The following ABCC5 variants were observed in gnomAD, a reference collection of about 807,000 sequenced individuals.
The protein encoded by ABCC5 is ATP binding cassette subfamily C member 5.
In ABCC5, 61 loss-of-function variants were observed where a neutral mutation model predicts 160.9. The ratio of observed to expected loss-of-function variants is 0.38; its 90% CI spans 0.31 to 0.47. The LOEUF is 0.47. Ranked by LOEUF, ABCC5 falls within the 20% of genes least tolerant of loss-of-function variation. The pLI, the probability that ABCC5 is intolerant of heterozygous loss-of-function variation, is 0.99. For synonymous variants in ABCC5, 666 were observed against 700.6 expected (o/e 0.95, Z 0.78); for missense variants, 1,308 against 1,813.3 (o/e 0.72, Z 5.06).
At chr3:183,984,075 T>C in intron 5 of ABCC5, 2 of 985,332 alleles carry the variant, frequency 2.0e-6, no homozygotes, top group Non-Finnish European at 2.4e-6. Flanking sequence ...AAAAAAGACC[T>C]TGCTGCTAAG....
At chr3:183,940,713 C>T (rs980548074) in intron 25 of ABCC5, among the ~76,000 whole-genome samples, 1 of 152,100 alleles carries the variant, frequency 6.6e-6, no homozygotes, top group African/African-American at 2.4e-5. Context: ...ACTACCTTTG[C>T]ACTGATGGAA....
chr3:183,925,422 G>C, intron 29 of ABCC5, 133 bp downstream of exon 29: 1 of 837,614 alleles, frequency 1.2e-6, no homozygotes, highest in East Asian at 2.7e-5. Flanking sequence ...CCTCCCAATA[G>C]CAAGTAAATA....
intron 29 of ABCC5, among the ~76,000 whole-genome samples, chr3:183,922,842 G>GTGTCCTTCCTTTGGACACA (rs1224698173): frequency 6.6e-6 from 1 of 152,214 alleles, no homozygotes; most frequent in East Asian, 1.9e-4. Context: ...CTTTGGACAC[G>GTGTCCTTCCTTTGGACACA]TGTCCTTCCT....
chr3:183,923,097 G>A (rs1006348134), intron 29 of ABCC5, among the ~76,000 whole-genome samples: 2 of 151,914 alleles, frequency 1.3e-5, no homozygotes, highest in South Asian at 2.1e-4. Flanking sequence ...GTATTACAAT[G>A]CTCGTCTCTG....
chr3:184,016,826 T>C (rs558288156), intron 1 of ABCC5, among the ~76,000 whole-genome samples: 1 of 152,252 alleles, frequency 6.6e-6, no homozygotes, highest in South Asian at 2.1e-4. Flanking sequence ...GATAAAAGTG[T>C]AGACACTCTC....
chr3:183,956,922 G>A (rs554314844), intron 17 of ABCC5, among the ~76,000 whole-genome samples: 18 of 141,330 alleles, frequency 1.3e-4, no homozygotes, highest in African/African-American at 4.8e-4. Context: ...GCAGATCCGT[G>A]TGTAAATCAC....
rs909356060 is a variant in ABCC5 at position 183,959,702 on chromosome 3, C to A, written c.2482+31G>T. 2.0e-6 allele frequency: 3 copies of A among 1,501,100 alleles called. No individual in the cohort carries two copies. In the Admixed American group the frequency reaches 5.6e-5, roughly 28 times the overall value. The allele number at this position is 1,501,100 out of a possible 1,614,324, so 93.0% of individuals were successfully genotyped here. A position where few individuals can be genotyped will look rare whatever the true frequency, so the allele number is the denominator to read the frequency against. On this transcript the variant is annotated intron_variant, in intron 17 of 29. Transcript: ENST00000334444. ...AGTTATTTCTGATAAACTTTGATGACAAATCTAAAAATTTCAAAAAAGGCC... is the reference window on the plus strand; with the variant it reads ...AGTTATTTCTGATAAACTTTGATGAAAAATCTAAAAATTTCAAAAAAGGCC...
At chr3:183,984,834 C>T (rs753537288) in intron 5 of ABCC5, 13 of 1,585,992 alleles carry the variant, frequency 8.2e-6, no homozygotes, top group Non-Finnish European at 1.0e-5. Context: ...AGTAAGATGG[C>T]GGTGCAGTGA....
intron 24 of ABCC5, among the ~76,000 whole-genome samples, chr3:183,945,170 T>C (rs1212300343): frequency 6.6e-6 from 1 of 152,234 alleles, no homozygotes; most frequent in African/African-American, 2.4e-5. Context: ...TCTTTCTTCA[T>C]AAATTACCCA....
At chr3:183,990,696 G>A (rs1364341321) in intron 2 of ABCC5, among the ~76,000 whole-genome samples, 2 of 152,166 alleles carry the variant, frequency 1.3e-5, no homozygotes, top group Non-Finnish European at 2.9e-5. Flanking sequence ...CCTGCAGCAC[G>A]CAGCAAAGGA....
At chr3:183,924,765 A>C (rs1712359087) in intron 29 of ABCC5, among the ~76,000 whole-genome samples, 1 of 152,188 alleles carries the variant, frequency 6.6e-6, no homozygotes, top group South Asian at 2.1e-4. Flanking sequence ...ATTCCTATCA[A>C]CTGAGACAGA....
At chr3:183,946,634 T>G (rs1379846732) in intron 23 of ABCC5, among the ~76,000 whole-genome samples, 1 of 152,146 alleles carries the variant, frequency 6.6e-6, no homozygotes, top group Non-Finnish European at 1.5e-5. Flanking sequence ...TCAATATTGT[T>G]TCATCTGTAT....
At chr3:184,011,615 T>G (rs1453923495) in intron 2 of ABCC5, among the ~76,000 whole-genome samples, 1 of 152,220 alleles carries the variant, frequency 6.6e-6, no homozygotes, top group African/African-American at 2.4e-5. Flanking sequence ...AGAGCACCTT[T>G]ATGTATAATT....
intron 17 of ABCC5, among the ~76,000 whole-genome samples, chr3:183,954,444 T>C (rs1389817288): frequency 6.6e-6 from 1 of 152,180 alleles, no homozygotes; most frequent in African/African-American, 2.4e-5. Context: ...CCACCGCACC[T>C]AGCTGGTCTC....
chr3:183,928,566 C>T (rs954445872), intron 27 of ABCC5, among the ~76,000 whole-genome samples, 181 bp downstream of exon 27: 10 of 152,128 alleles, frequency 6.6e-5, no homozygotes, highest in African/African-American at 1.4e-4. Context: ...GCAGTGTGGG[C>T]GGTGGGGTTG....
At chr3:183,923,583 A>G (rs1712222029) in intron 29 of ABCC5, among the ~76,000 whole-genome samples, 2 of 152,200 alleles carry the variant, frequency 1.3e-5, no homozygotes, top group Admixed American at 1.3e-4. Context: ...AGATTGCACC[A>G]CTGTACTCCA....
chr3:183,989,387 T>G lies in ABCC5; in HGVS notation c.130-4A>C. 2 of 1,613,634 alleles carry G rather than the reference T, an allele frequency of 1.2e-6. No homozygotes were observed. The highest frequency in any genetic ancestry group is 1.7e-6 in the Non-Finnish European group (2 of 1,179,806). On this transcript the variant is annotated splice_polypyrimidine_tract_variant and splice_region_variant and intron_variant, in intron 2 of 29. Transcript: ENST00000334444. ...CCAAGGCATCTTGGCATTCCAACTG[T>G]TCCAGCAGATAGGGAGAAAGGCAAG...
At chr3:183,952,188 C>T (rs1419285756) in intron 18 of ABCC5, among the ~76,000 whole-genome samples, 185 bp from the exon 19 acceptor site, 1 of 150,008 alleles carries the variant, frequency 6.7e-6, no homozygotes, top group Non-Finnish European at 1.5e-5. Context: ...ACTCTGTCAC[C>T]CAGGCTGGAG....
rs768561885 is a variant in ABCC5 at position 183,959,846 on chromosome 3, T to TA, written c.2380-12_2380-11insT. The TA allele has an allele frequency of 2.3e-4, 359 of 1,564,802 alleles. No homozygotes were observed. The highest frequency in any genetic ancestry group is 1.9e-3 in the South Asian group (157 of 84,232). Reference sequence around the variant, plus strand: ...CTTTTTTGAATTGATCTAATAATATTTAAAAAAAAAAGTCTCCAGTCATGT... The same window carrying TA: ...CTTTTTTGAATTGATCTAATAATATTATAAAAAAAAAAGTCTCCAGTCATGT... On this transcript the variant is annotated splice_polypyrimidine_tract_variant and intron_variant, in intron 16 of 29. Coordinates refer to ENST00000334444, the MANE Select transcript of ABCC5 (RefSeq NM_005688.4).
Sources: gnomAD v4.1 joint callset for allele counts (sites outside exome capture counted in the v4.1 genomes callset) on GRCh38, gnomAD v4.1.1 for gene constraint, MANE v1.5 for transcripts, NCBI Gene and HGNC (gene_info 2026-07-23, HGNC 2026-07-21) for gene names.